The following LMNTD1 variants were observed in gnomAD, a reference collection of about 807,000 sequenced individuals.
LMNTD1 encodes the protein lamin tail domain-containing protein 1.
A neutral mutation model predicts 50.9 loss-of-function variants in LMNTD1; 35 were observed. The ratio of observed to expected loss-of-function variants is 0.69; its 90% CI spans 0.53 to 0.91. The LOEUF (loss-of-function observed/expected upper bound fraction) is 0.91, where lower values mean the gene tolerates loss of function less well. Among genes scored for constraint, LMNTD1 ranks in the 40% least tolerant of loss-of-function variants. The probability of loss-of-function intolerance (pLI) is 0.00; values close to 1 mark genes in which losing one functional copy is unlikely to be tolerated. For synonymous variants in LMNTD1, 153 were observed against 161.9 expected (o/e 0.94, Z 0.42); for missense variants, 470 against 475.5 (o/e 0.99, Z 0.11).
chr12:25,625,086 G>C (rs1400415996), intron 1 of LMNTD1, among the ~76,000 whole-genome samples: 1 of 152,164 alleles, frequency 6.6e-6, no homozygotes, highest in African/African-American at 2.4e-5. Context: ...TGTCAGAGCA[G>C]AGTGTTAATG....
intron 1 of LMNTD1, among the ~76,000 whole-genome samples, chr12:25,558,967 G>T (rs1367825096): frequency 3.4e-5 from 5 of 146,446 alleles, no homozygotes; most frequent in African/African-American, 1.2e-4. Context: ...TTGACTTACA[G>T]TTTTTTTTTT....
chr12:25,525,310 A>G (rs1941628330), intron 6 of LMNTD1, among the ~76,000 whole-genome samples: 1 of 152,230 alleles, frequency 6.6e-6, no homozygotes, highest in South Asian at 2.1e-4. Flanking sequence ...TAAGGAGTAA[A>G]GTATAGTCAT....
At chr12:25,641,999 T>C (rs1946967125) in intron 1 of LMNTD1, among the ~76,000 whole-genome samples, 1 of 152,276 alleles carries the variant, frequency 6.6e-6, no homozygotes, top group South Asian at 2.1e-4. Context: ...AAAACTCAAT[T>C]CAGCAACCCA....
chr12:25,533,579 T>C (rs971752684), intron 4 of LMNTD1, among the ~76,000 whole-genome samples: 2 of 152,180 alleles, frequency 1.3e-5, no homozygotes, highest in African/African-American at 4.8e-5. Context: ...TAACATTTCC[T>C]ATATAGGTGT....
At chr12:25,569,541 G>A (rs1944699354) in intron 1 of LMNTD1, among the ~76,000 whole-genome samples, 1 of 152,204 alleles carries the variant, frequency 6.6e-6, no homozygotes, top group Non-Finnish European at 1.5e-5. Context: ...AAATTTGGGA[G>A]TTCAGGGGCA....
At chr12:25,552,628 G>A (rs1943834454) in intron 2 of LMNTD1, among the ~76,000 whole-genome samples, 1 of 143,506 alleles carries the variant, frequency 7.0e-6, no homozygotes. Flanking sequence ...ATCTCAGCTA[G>A]GTCTTATACT....
intron 1 of LMNTD1, among the ~76,000 whole-genome samples, chr12:25,566,658 G>T (rs1380278709): frequency 6.6e-6 from 1 of 152,178 alleles, no homozygotes; most frequent in Non-Finnish European, 1.5e-5. Context: ...ACACAGGCAG[G>T]GAGAGGCCTC....
At chr12:25,629,380 G>A (rs1190646541) in intron 1 of LMNTD1, among the ~76,000 whole-genome samples, 3 of 152,138 alleles carry the variant, frequency 2.0e-5, no homozygotes, top group Non-Finnish European at 4.4e-5. Flanking sequence ...CCCCTAACTC[G>A]TAAAGTGGAA....
In LMNTD1 at chr12:25,500,663, A is replaced by G. The variant is rs1018422898; in HGVS notation, c.*22+3075T>C. Among the ~76,000 whole-genome samples, 4 of 152,074 alleles carry G rather than the reference A, an allele frequency of 2.6e-5. 1 individual carries two copies. Among genetic ancestry groups the G allele is most frequent in the Non-Finnish European group, 5.9e-5 (4 of 67,976 alleles). ...CCCCTGCTCTTTCTTCCATTTTTAT[A>G]CTTTTTTTGAGAATCCTCAGTATTT... On this transcript the variant is annotated intron_variant, in intron 9 of 9. Coordinates refer to ENST00000458174, the MANE Select transcript of LMNTD1 (RefSeq NM_001145728.2).
At chr12:25,558,346 T>C (rs1009480636) in intron 1 of LMNTD1, among the ~76,000 whole-genome samples, 7 of 152,210 alleles carry the variant, frequency 4.6e-5, no homozygotes, top group African/African-American at 1.7e-4. Context: ...TTTCTAGTTC[T>C]TCAGATGCAT....
At chr12:25,497,465 C>T (rs912585304) in intron 9 of LMNTD1, 1 of 152,770 alleles carries the variant, frequency 6.5e-6, no homozygotes, top group African/African-American at 2.4e-5. Context: ...AGACAAGAAC[C>T]CCGTCTTTAG....
intron 8 of LMNTD1, among the ~76,000 whole-genome samples, chr12:25,514,204 G>A (rs11048084): frequency 0.19 from 28,902 of 151,910 alleles, 2,979 homozygotes; most frequent in African/African-American, 0.24. Flanking sequence ...AACAGTCTAG[G>A]GAGCACAGAC....
intron 9 of LMNTD1, among the ~76,000 whole-genome samples, chr12:25,493,157 G>C (rs148390251): frequency 0.015 from 2,259 of 152,268 alleles, 35 homozygotes; most frequent in Non-Finnish European, 0.023. Context: ...TTGATTACAA[G>C]TATCTTTCCC....
At chr12:25,501,041 G>T (rs113875934) in intron 9 of LMNTD1, among the ~76,000 whole-genome samples, 229 of 152,290 alleles carry the variant, frequency 1.5e-3, no homozygotes, top group Middle Eastern at 6.8e-3. Context: ...CCGGGCTGGA[G>T]TGCAGTGGTG....
intron 3 of LMNTD1, among the ~76,000 whole-genome samples, chr12:25,548,468 G>A (rs1331451752): frequency 4.6e-5 from 7 of 151,864 alleles, no homozygotes; most frequent in East Asian, 1.9e-4. Flanking sequence ...TTACAGGTAA[G>A]TTCAGATTCA....
chr12:25,635,793 G>C (rs1053385883), intron 1 of LMNTD1, among the ~76,000 whole-genome samples: 1 of 152,172 alleles, frequency 6.6e-6, no homozygotes, highest in East Asian at 1.9e-4. Context: ...CAGGCACATA[G>C]ACCAATGGAA....
At chr12:25,519,430 CA>C (rs1226082792) in intron 7 of LMNTD1, among the ~76,000 whole-genome samples, 3 of 150,400 alleles carry the variant, frequency 2.0e-5, no homozygotes, top group Non-Finnish European at 4.4e-5. Context: ...ACTAAAAATA[CA>C]AAAAAAATTA....
At chr12:25,604,931 C>A (rs1277733224) in intron 1 of LMNTD1, among the ~76,000 whole-genome samples, 1 of 152,180 alleles carries the variant, frequency 6.6e-6, no homozygotes, top group Non-Finnish European at 1.5e-5. Context: ...ACACTGACTT[C>A]CACAATGGTT....
rs751496124 is a variant in LMNTD1 at position 25,569,356 on chromosome 12, G to A, written c.59-22802C>T. Among the ~76,000 whole-genome samples the A allele has an allele frequency of 8.2e-4, 124 of 152,124 alleles. 1 individual carries two copies. Among genetic ancestry groups the A allele is most frequent in the Non-Finnish European group, 2.6e-4 (18 of 68,018 alleles). ...GAATGGGAATGTTTACCCAATGCCT[G>A]TACCACCATTGTATCTGGGAAGTAA... On this transcript the variant is annotated intron_variant, in intron 1 of 7. Transcript: ENST00000445693.
Sources: gnomAD v4.1 joint callset for allele counts (sites outside exome capture counted in the v4.1 genomes callset) on GRCh38, gnomAD v4.1.1 for gene constraint, MANE v1.5 for transcripts, NCBI Gene and HGNC (gene_info 2026-07-23, HGNC 2026-07-21) for gene names.